The following NCOA2 variants were observed in gnomAD, a reference collection of about 807,000 sequenced individuals.
The protein encoded by NCOA2 is class E basic helix-loop-helix protein 75.
A neutral mutation model predicts 145.1 loss-of-function variants in NCOA2; 21 were observed. The observed-to-expected ratio is 0.14, with a 90% CI of 0.10 to 0.21. The LOEUF is 0.21. NCOA2 is among the 10% of genes least tolerant of loss of function. The pLI, the probability that NCOA2 is intolerant of heterozygous loss-of-function variation, is 1.00. For synonymous variants in NCOA2, 619 were observed against 637.5 expected, an observed-to-expected ratio of 0.97 and a Z score of 0.44; for missense variants, 1,472 against 1,837.6, an observed-to-expected ratio of 0.80 and a Z score of 3.64.
the NCOA2 span, among the ~76,000 whole-genome samples, chr8:70,410,902 C>G: frequency 3.3e-5 from 5 of 151,902 alleles, no homozygotes; most frequent in African/African-American, 1.2e-4. Context: ...GTGGGGGGTG[C>G]AGATTGACTG....
chr8:70,130,613 G>A (rs143707167), intron 16 of NCOA2, among the ~76,000 whole-genome samples: 1 of 152,204 alleles, frequency 6.6e-6, no homozygotes, highest in African/African-American at 2.4e-5. Flanking sequence ...AATATGAATT[G>A]GTAAGTCACA....
At chr8:70,305,495 T>C (rs575304615) in intron 1 of NCOA2, among the ~76,000 whole-genome samples, 18 of 152,018 alleles carry the variant, frequency 1.2e-4, no homozygotes, top group Non-Finnish European at 5.9e-5. Flanking sequence ...GACAGTAAGG[T>C]AACACAATTT....
At position 70,233,852 on chromosome 8, in the gene NCOA2, T is replaced by C. The variant is rs933304366; in HGVS notation, c.-19-17088A>G. Among the ~76,000 whole-genome samples, 20 of 152,204 alleles carry C rather than the reference T, an allele frequency of 1.3e-4. 1 individual carries two copies. The highest frequency in any genetic ancestry group is 1.1e-3 in the Admixed American group (17 of 15,282). Reference sequence around the variant, plus strand: ...TTCATCTCTATTTTAAAAATTATTTTTAACAGCTTTACTGAGGTCACATGT... The same window carrying C: ...TTCATCTCTATTTTAAAAATTATTTCTAACAGCTTTACTGAGGTCACATGT... On this transcript the variant is annotated intron_variant, in intron 2 of 22. Coordinates refer to ENST00000452400, the MANE Select transcript of NCOA2 (RefSeq NM_006540.4).
At chr8:70,123,560 TA>T (rs1341779490) in intron 21 of NCOA2, among the ~76,000 whole-genome samples, 2 of 149,130 alleles carry the variant, frequency 1.3e-5, no homozygotes, top group Admixed American at 6.7e-5. Context: ...CAAATAGAGC[TA>T]TTTTAAAAGT....
chr8:70,131,803 G>A (rs1269821712), intron 16 of NCOA2, 34 bp downstream of exon 16: 28 of 1,562,242 alleles, frequency 1.8e-5, no homozygotes, highest in East Asian at 2.4e-5. Flanking sequence ...CCATGAGAGC[G>A]CTTGGCCCCC....
chr8:70,223,087 G>A (rs575186381), intron 2 of NCOA2, among the ~76,000 whole-genome samples: 1 of 152,254 alleles, frequency 6.6e-6, no homozygotes, highest in African/African-American at 2.4e-5. Context: ...CTTGCATAAC[G>A]TAAGCATTTT....
chr8:70,233,985 G>A (rs1189448372), intron 2 of NCOA2, among the ~76,000 whole-genome samples: 1 of 152,024 alleles, frequency 6.6e-6, no homozygotes, highest in Non-Finnish European at 1.5e-5. Context: ...ATCACCCCAA[G>A]AGGAAACCCC....
intron 2 of NCOA2, among the ~76,000 whole-genome samples, chr8:70,231,069 T>C (rs765912806): frequency 3.5e-4 from 53 of 152,364 alleles, no homozygotes; most frequent in East Asian, 1.9e-4. Context: ...ATACCTACAA[T>C]AGTCTTAGAA....
chr8:70,215,501 G>A (rs577977696), intron 3 of NCOA2, among the ~76,000 whole-genome samples: 1 of 152,302 alleles, frequency 6.6e-6, no homozygotes, highest in East Asian at 1.9e-4. Flanking sequence ...GATGTAGAGA[G>A]TGGAGATTTA....
At chr8:70,216,792 A>G (rs1397618591) in intron 2 of NCOA2, 28 bp from the exon 3 acceptor site, 2 of 1,396,212 alleles carry the variant, frequency 1.4e-6, no homozygotes, top group Non-Finnish European at 2.0e-6. Flanking sequence ...GAAGAGGAAG[A>G]AAAAAATGAA....
At chr8:70,390,265 T>C (rs1813066869) in intron 1 of NCOA2, among the ~76,000 whole-genome samples, 1 of 152,222 alleles carries the variant, frequency 6.6e-6, no homozygotes, top group Admixed American at 6.5e-5. Context: ...TCAAGGCCAT[T>C]AGCCTAACAA....
intron 4 of NCOA2, among the ~76,000 whole-genome samples, chr8:70,176,569 C>T (rs867240907): frequency 3.3e-5 from 5 of 152,230 alleles, no homozygotes; most frequent in Middle Eastern, 3.4e-3. Flanking sequence ...TGCATGTGAC[C>T]GCCCCCACCC....
rs1813666966 is a variant in NCOA2, at chr8:70,166,764, G to A, written c.542-10C>T. 6.2e-7 allele frequency: 1 copy of A among 1,605,210 alleles called. No homozygotes were observed. The highest frequency in any genetic ancestry group is 8.5e-7 in the Non-Finnish European group (1 of 1,175,268). ...CAAGATCCCCCATTTACTGAGCAAG[G>A]CAAAAGTAATCCAGTTTTACAAAGA... On this transcript the variant is annotated splice_polypyrimidine_tract_variant and intron_variant, in intron 6 of 22. Coordinates refer to ENST00000452400, the MANE Select transcript of NCOA2 (RefSeq NM_006540.4).
intron 1 of NCOA2, among the ~76,000 whole-genome samples, chr8:70,367,687 T>C (rs1160904684): frequency 6.6e-6 from 1 of 152,202 alleles, no homozygotes; most frequent in African/African-American, 2.4e-5. Context: ...AATAATTACA[T>C]ATCCAAGTGC....
At chr8:70,159,439 T>C (rs763344280) in intron 10 of NCOA2, 66 bp downstream of exon 10, 173 of 1,374,670 alleles carry the variant, frequency 1.3e-4, no homozygotes, top group Non-Finnish European at 1.6e-4. Context: ...CTAAAATAAT[T>C]TGCTGCTTTT....
rs1429355666 is a variant in NCOA2 at position 70,128,912 on chromosome 8, G to T, written c.3393C>A (p.Pro1131=). 6.2e-7 allele frequency: 1 copy of T among 1,612,862 alleles called. No homozygotes were observed. The highest frequency in any genetic ancestry group is 8.5e-7 in the Non-Finnish European group (1 of 1,179,364). The change falls in exon 17 of 23, where the codon CCC becomes CCA. Residue 1131 remains proline, a synonymous_variant. Coordinates refer to ENST00000452400, the MANE Select transcript of NCOA2 (RefSeq NM_006540.4). ...DSNIMLEQKA[P]VFPQQYASQA... ...GAGATGCATACTGCTGTGGGAAAACGGGCGCCTTCTGCTCCAGCATGATGT... is the reference window on the plus strand; with the variant it reads ...GAGATGCATACTGCTGTGGGAAAACTGGCGCCTTCTGCTCCAGCATGATGT...
intron 2 of NCOA2, among the ~76,000 whole-genome samples, chr8:70,228,781 T>C (rs746622501): frequency 1.3e-5 from 2 of 152,196 alleles, no homozygotes; most frequent in East Asian, 1.9e-4. Flanking sequence ...ATTGAGATAA[T>C]TGCTTGACGC....
At chr8:70,225,374 C>T (rs191426814) in intron 2 of NCOA2, among the ~76,000 whole-genome samples, 1,641 of 152,020 alleles carry the variant, frequency 0.011, 12 homozygotes, top group Middle Eastern at 0.027. Context: ...ATGGTGAAAC[C>T]CGCCTCTACT....
At chr8:70,306,318 A>C (rs561968149) in intron 1 of NCOA2, among the ~76,000 whole-genome samples, 2 of 152,262 alleles carry the variant, frequency 1.3e-5, no homozygotes, top group South Asian at 2.1e-4. Flanking sequence ...CCCAGGAACA[A>C]ATATATCATT....
Sources: allele counts gnomAD v4.1 joint callset (sites outside exome capture counted in the v4.1 genomes callset), GRCh38; gene constraint gnomAD v4.1.1; transcripts MANE v1.5; gene names NCBI Gene and HGNC (gene_info 2026-07-23, HGNC 2026-07-21).